ADGRF4: variants seen among roughly 807,000 people sequenced by gnomAD.
ADGRF4 encodes the protein G-protein coupled receptor PGR18.
In ADGRF4, 63 loss-of-function variants were observed where a neutral mutation model predicts 58.5. The observed-to-expected ratio is 1.08, with a 90% CI of 0.88 to 1.33. ADGRF4 has a LOEUF of 1.33. Ranked by LOEUF, ADGRF4 falls within the 40% of genes most tolerant of loss-of-function variation. ADGRF4 has a pLI of 0.00. For missense variants in ADGRF4, 931 were observed against 843.9 expected (o/e 1.10, Z -1.28); for synonymous variants, 313 against 295.4 (o/e 1.06, Z -0.61).
chr6:47,712,749 T>A, intron 5 of ADGRF4, 141 bp downstream of exon 5: 5 of 642,938 alleles, frequency 7.8e-6, no homozygotes, highest in Non-Finnish European at 1.1e-5. Context: ...GTTTGGGATA[T>A]TGATTCATTA....
Position 47,714,740 on chromosome 6 carries a change from A to T in ADGRF4, c.1495A>T (p.Ile499Phe), listed in dbSNP as rs1333435538. Residue 499 changes from isoleucine to phenylalanine, a missense_variant, in exon 6 of 10, where the codon ATT becomes TTT. Transcript: ENST00000283303. ...GATGCTCTTCAAAGCATTGCTCATC[A>T]TTTATGGAATATTGGTCATTTTCCG... is the stretch of plus-strand genomic sequence containing the variant. ...FWMLFKALLI[I>F]YGILVIFRRM... is the part of the protein sequence containing the mutation. 5.6e-6 allele frequency: 9 copies of T among 1,613,894 alleles called. No homozygotes were observed. Among genetic ancestry groups the T allele is most frequent in the Non-Finnish European group, 6.8e-6 (8 of 1,179,894 alleles).
At chr6:47,705,108 T>C (rs1470234773) in intron 1 of ADGRF4, among the ~76,000 whole-genome samples, 1 of 152,152 alleles carries the variant, frequency 6.6e-6, no homozygotes, top group Admixed American at 6.5e-5. Context: ...TTTTGTATTT[T>C]CAGTAGAGAT....
At chr6:47,717,267 C>T in intron 7 of ADGRF4, 25 bp from the exon 8 acceptor site, 1 of 1,553,004 alleles carries the variant, frequency 6.4e-7, no homozygotes, top group South Asian at 1.1e-5. Flanking sequence ...CTGTGAGGTA[C>T]TTCTCATTGT....
At chr6:47,708,768 T>A (rs192578759) in intron 3 of ADGRF4, among the ~76,000 whole-genome samples, 2 of 152,310 alleles carry the variant, frequency 1.3e-5, no homozygotes, top group Admixed American at 1.3e-4. Context: ...AGTGAAATCA[T>A]GTGGTTCTCA....
chr6:47,717,438 G>C, intron 8 of ADGRF4, 87 bp downstream of exon 8: 1 of 844,960 alleles, frequency 1.2e-6, no homozygotes, highest in Non-Finnish European at 2.1e-6. Context: ...CAGTACTCAG[G>C]ATCTGTGGGC....
In ADGRF4 at chr6:47,710,717, CTCT is replaced by C. The variant is rs1771839847; in HGVS notation, c.149-16_149-14del. 7 of 1,520,936 alleles carry C rather than the reference CTCT, an allele frequency of 4.6e-6. No individual in the cohort carries two copies. Among genetic ancestry groups the C allele is most frequent in the Non-Finnish European group, 6.2e-6 (7 of 1,138,024 alleles). The allele number at this position is 1,520,936 out of a possible 1,614,324, so 94.2% of individuals were successfully genotyped here. On this transcript the variant is annotated splice_polypyrimidine_tract_variant and intron_variant, in intron 3 of 9. Coordinates refer to ENST00000283303, the MANE Select transcript of ADGRF4 (RefSeq NM_153838.5). ...ATTGGGCTCCTGTCTCTCTCTCTTT[CTCT>C]TTTTTTCTTTATAGAGAAATGCGAA...
In ADGRF4 at chr6:47,716,478, C is replaced by T. The variant is rs574910851; in HGVS notation, c.1933-328C>T. Among the ~76,000 whole-genome samples, 3 of 152,300 alleles carry T rather than the reference C, an allele frequency of 2.0e-5. 1 individual carries two copies. In the South Asian group the frequency reaches 6.2e-4, roughly 32 times the overall value. On this transcript the variant is annotated intron_variant, in intron 6 of 9. Transcript: ENST00000283303. ...AATTACAAGTTTCTGTCACATGTTT[C>T]TGTCATCACGAGTAGAAACAGCTAC... is the stretch of plus-strand genomic sequence containing the variant.
chr6:47,718,795 G>T (rs970500873), intron 9 of ADGRF4, among the ~76,000 whole-genome samples: 2 of 152,148 alleles, frequency 1.3e-5, no homozygotes, highest in African/African-American at 2.4e-5. Context: ...AAAGCAACAG[G>T]TCTGTCTTTC....
rs371291076 is a variant in ADGRF4, at chr6:47,708,262, G to T, written c.132G>T (p.Lys44Asn). The T allele has an allele frequency of 8.1e-6, 13 of 1,611,640 alleles. No individual in the cohort carries two copies. Among genetic ancestry groups the T allele is most frequent in the Non-Finnish European group, 1.1e-5 (13 of 1,177,972 alleles). The change falls in exon 3 of 10, where the codon AAG becomes AAT. Residue 44 changes from lysine to asparagine, a missense_variant. Lys to Asn is a moderately conservative substitution (Grantham distance 94). Transcript: ENST00000283303. ...TTCAAAGCCCTGAAGGGAAACCCAA[G>T]ACTGGAAGGATCCAAGGTATGTGGC... is the stretch of plus-strand genomic sequence containing the variant. ...DKLQSPEGKP[K>N]TGRIQEKCEG...
intron 3 of ADGRF4, among the ~76,000 whole-genome samples, chr6:47,708,967 G>T (rs1032642812): frequency 1.3e-5 from 2 of 151,074 alleles, no homozygotes; most frequent in African/African-American, 4.9e-5. Context: ...ACAACATTAT[G>T]GCATCATATT....
At chr6:47,708,054 C>T (rs1442383779) in intron 2 of ADGRF4, among the ~76,000 whole-genome samples, 170 bp from the exon 3 acceptor site, 2 of 152,220 alleles carry the variant, frequency 1.3e-5, no homozygotes, top group African/African-American at 4.8e-5. Context: ...CCTGTGCTCT[C>T]ATCCACATTT....
rs745702301 is a variant in ADGRF4, at chr6:47,718,392, G to T, written c.2038G>T (p.Ala680Ser). The T allele has an allele frequency of 4.5e-6, 7 of 1,541,990 alleles. No individual in the cohort carries two copies. The South Asian group carries it at 7.8e-5, about 17-fold the overall frequency. Reference sequence around the variant, plus strand: ...CTGTTATTTTTCCCCCACTTAGAATGCATCACTAGGCCCAACCAATGGATC... The same window carrying T: ...CTGTTATTTTTCCCCCACTTAGAATTCATCACTAGGCCCAACCAATGGATC... ...LKGKSRAAEN[A>S]SLGPTNGSKL... is the part of the protein sequence containing the mutation. Residue 680 changes from alanine to serine, a missense_variant, in exon 9 of 10, where the codon GCA becomes TCA. Ala to Ser is a moderately conservative substitution (Grantham distance 99). Coordinates refer to ENST00000283303, the MANE Select transcript of ADGRF4 (RefSeq NM_153838.5).
intron 1 of ADGRF4, among the ~76,000 whole-genome samples, chr6:47,701,340 G>A (rs527969357): frequency 1.3e-5 from 2 of 152,276 alleles, no homozygotes; most frequent in East Asian, 3.9e-4. Context: ...AAAGAGGCGG[G>A]TTATGGAAGT....
In ADGRF4 at chr6:47,721,668, GGTGGGA is replaced by G. The variant is rs1772164005; in HGVS notation, c.*473_*478del. On this transcript the variant is annotated 3_prime_UTR_variant, in exon 10 of 10. Coordinates refer to ENST00000283303, the MANE Select transcript of ADGRF4 (RefSeq NM_153838.5). ...ATCCAATTTTAGGGGTAGGGTTGGG[GGTGGGA>G]GTGGGAGTGTGGGTTGGCAGGAGGA... The G allele has an allele frequency of 6.6e-6, 1 of 152,142 alleles. No homozygotes were observed. Among genetic ancestry groups the G allele is most frequent in the South Asian group, 2.1e-4 (1 of 4,820 alleles). 9.4% of individuals were successfully genotyped at this position (152,142 alleles called of 1,614,324 possible). A position where few individuals can be genotyped will look rare whatever the true frequency, so the allele number is the denominator to read the frequency against.
intron 4 of ADGRF4, among the ~76,000 whole-genome samples, chr6:47,712,008 T>C (rs1771883500): frequency 6.6e-6 from 1 of 152,260 alleles, no homozygotes; most frequent in East Asian, 1.9e-4. Context: ...ATTCTGTGTT[T>C]GACCTGCCAA....
chr6:47,709,586 T>C (rs538899156), intron 3 of ADGRF4, among the ~76,000 whole-genome samples: 15 of 152,238 alleles, frequency 9.9e-5, no homozygotes, highest in Non-Finnish European at 1.6e-4. Flanking sequence ...AACTTATTTG[T>C]TGTTTATCTG....
Position 47,714,002 on chromosome 6 carries a change from G to A in ADGRF4, c.757G>A (p.Glu253Lys). 6.2e-7 allele frequency: 1 copy of A among 1,605,364 alleles called. No individual in the cohort carries two copies. The highest frequency in any genetic ancestry group is 8.5e-7 in the Non-Finnish European group (1 of 1,175,758). ...GTTTCACATCAACCATAATACCTCA[G>A]AGAAAAGCCTCAATTTCTCCATGAG... ...KGFHINHNTSEKSLNFSMSMN... is the reference protein window; with the variant it reads ...KGFHINHNTSKKSLNFSMSMN... Residue 253 changes from glutamate (E) to lysine (K), a missense_variant, in exon 6 of 10, where the codon GAG (glutamate) becomes AAG (lysine). By Grantham distance (56) the Glu-to-Lys change is moderately conservative (BLOSUM62 1). Coordinates refer to ENST00000283303, the MANE Select transcript of ADGRF4 (RefSeq NM_153838.5).
At position 47,714,094 on chromosome 6, in the gene ADGRF4, G is replaced by A. The variant is rs1187605269; in HGVS notation, c.849G>A (p.Leu283=). The A allele has an allele frequency of 1.2e-6, 2 of 1,614,072 alleles. No individual in the cohort carries two copies. Among genetic ancestry groups the A allele is most frequent in the Non-Finnish European group, 8.5e-7 (1 of 1,180,008 alleles). The change falls in exon 6 of 10, where the codon CTG becomes CTA. Residue 283 remains leucine (L), a synonymous_variant. Coordinates refer to ENST00000283303, the MANE Select transcript of ADGRF4 (RefSeq NM_153838.5). ...VQIPRQELRK[L]WPNASQAISI... is the part of the protein sequence containing the mutation. Reference sequence around the variant, plus strand: ...TTCCCAGGCAAGAGCTAAGGAAGCTGTGGCCAAATGCATCCCAAGCCATTA... The same window carrying A: ...TTCCCAGGCAAGAGCTAAGGAAGCTATGGCCAAATGCATCCCAAGCCATTA...
At chr6:47,704,940 T>C (rs1035788253) in intron 1 of ADGRF4, among the ~76,000 whole-genome samples, 7 of 152,116 alleles carry the variant, frequency 4.6e-5, no homozygotes, top group Admixed American at 1.3e-4. Flanking sequence ...TTTGTTTTTG[T>C]TTTTTTGTGA....
Sources: gnomAD v4.1 joint callset for allele counts (sites outside exome capture counted in the v4.1 genomes callset) on GRCh38, gnomAD v4.1.1 for gene constraint, MANE v1.5 for transcripts, NCBI Gene and HGNC (gene_info 2026-07-23, HGNC 2026-07-21) for gene names.